Variants in EFCAB6 observed in about 807,000 individuals in gnomAD.
EFCAB6 encodes the protein EF-hand calcium-binding domain-containing protein 6.
A neutral mutation model predicts 169.8 loss-of-function variants in EFCAB6; 156 were observed. The observed-to-expected ratio is 0.92, with a 90% CI of 0.81 to 1.05. The LOEUF (loss-of-function observed/expected upper bound fraction) is 1.05. Ranked by LOEUF, EFCAB6 falls within the 50% of genes least tolerant of loss-of-function variation. The pLI, the probability that EFCAB6 is intolerant of heterozygous loss-of-function variation, is 0.00. For missense variants in EFCAB6, 1,800 were observed against 1,829.1 expected (o/e 0.98, Z 0.29); for synonymous variants, 698 against 676.4 (o/e 1.03, Z -0.50).
chr22:43,752,765 T>C (rs1193071244), intron 6 of EFCAB6, among the ~76,000 whole-genome samples: 1 of 152,142 alleles, frequency 6.6e-6, no homozygotes, highest in African/African-American at 2.4e-5. Context: ...AGTCCTAGTC[T>C]CCACGCCCTC....
At chr22:43,784,665 A>ACATATATATGTGTATG (rs1222270497) in intron 2 of EFCAB6, among the ~76,000 whole-genome samples, 1 of 74,220 alleles carries the variant, frequency 1.3e-5, no homozygotes, top group African/African-American at 5.2e-5. Flanking sequence ...GTATATATAC[A>ACATATATATGTGTATG]TATACATATA....
At chr22:43,570,687 T>C (rs2147205058) in intron 26 of EFCAB6, among the ~76,000 whole-genome samples, 1 of 152,128 alleles carries the variant, frequency 6.6e-6, no homozygotes, top group Non-Finnish European at 1.5e-5. Context: ...CTTGTTCCTC[T>C]TTTATGCCTT....
At chr22:43,677,891 G>T in intron 13 of EFCAB6, 105 bp downstream of exon 13, 1 of 1,179,136 alleles carries the variant, frequency 8.5e-7, no homozygotes, top group Non-Finnish European at 1.2e-6. Flanking sequence ...AAACTGTAAA[G>T]TCGTTAATTT....
intron 2 of EFCAB6, among the ~76,000 whole-genome samples, chr22:43,783,202 C>A (rs560353772): frequency 4.6e-5 from 7 of 152,146 alleles, no homozygotes; most frequent in Non-Finnish European, 8.8e-5. Flanking sequence ...AAATCAGAGG[C>A]AATTGTTGTT....
chr22:43,803,821 T>TTA (rs1431657772), intron 2 of EFCAB6, among the ~76,000 whole-genome samples: 1 of 152,224 alleles, frequency 6.6e-6, no homozygotes, highest in Non-Finnish European at 1.5e-5. Flanking sequence ...CTAGACCTAA[T>TTA]AGGGCTAACT....
At chr22:43,634,503 C>T (rs1302046435) in intron 18 of EFCAB6, among the ~76,000 whole-genome samples, 5 of 152,164 alleles carry the variant, frequency 3.3e-5, no homozygotes, top group Non-Finnish European at 7.3e-5. Context: ...AGGGTATGTG[C>T]AGCAAAAGAG....
intron 20 of EFCAB6, among the ~76,000 whole-genome samples, chr22:43,625,284 C>T (rs1399229763): frequency 6.6e-6 from 1 of 152,068 alleles, no homozygotes; most frequent in African/African-American, 2.4e-5. Context: ...CCCTGGGGAC[C>T]GTGAGTGCCT....
At chr22:43,626,139 C>T (rs563386038) in intron 20 of EFCAB6, among the ~76,000 whole-genome samples, 2 of 152,054 alleles carry the variant, frequency 1.3e-5, no homozygotes, top group African/African-American at 2.4e-5. Flanking sequence ...AAGACACACA[C>T]GTATATATGT....
chr22:43,597,791 A>C (rs980875883), intron 23 of EFCAB6, among the ~76,000 whole-genome samples: 4 of 152,224 alleles, frequency 2.6e-5, no homozygotes, highest in African/African-American at 9.6e-5. Flanking sequence ...TGTTTATTGC[A>C]GCACTGCTCA....
In EFCAB6 at chr22:43,770,281, G is replaced by A. The variant is rs377145675; in HGVS notation, c.351+2611C>T. On this transcript the variant is annotated intron_variant, in intron 4 of 31. Coordinates refer to ENST00000262726, the MANE Select transcript of EFCAB6 (RefSeq NM_022785.4). ...CCTCCAAAGCATTGGGATTACAGGC[G>A]TGAACCACCACACCTGACCTACTCA... Among the ~76,000 whole-genome samples the A allele has an allele frequency of 1.2e-4, 18 of 152,202 alleles. No homozygotes were observed. In the East Asian group the frequency reaches 1.9e-3, roughly 16 times the overall value.
At chr22:43,780,402 A>ACTT (rs1387035758) in intron 3 of EFCAB6, among the ~76,000 whole-genome samples, 1 of 146,334 alleles carries the variant, frequency 6.8e-6, no homozygotes, top group Non-Finnish European at 1.5e-5. Context: ...CATGAGAATC[A>ACTT]CTTGAACCTG....
rs1310319635 is a variant in EFCAB6 at position 43,735,951 on chromosome 22, T to C, written c.550A>G (p.Ile184Val). Reference sequence around the variant, plus strand: ...ACCAGTCCAGTCTTGTTAACATCAATGAGCTCAAAGGCTTTCATAACAGTC... The same window carrying C: ...ACCAGTCCAGTCTTGTTAACATCAACGAGCTCAAAGGCTTTCATAACAGTC... ...IKTVMKAFEL[I>V]DVNKTGLVRP... The change falls in exon 7 of 32, where the codon ATT becomes GTT. Residue 184 changes from isoleucine to valine, a missense_variant. Ile to Val is a conservative substitution (Grantham distance 29). Transcript: ENST00000262726. 1 of 1,614,018 alleles carries C rather than the reference T, an allele frequency of 6.2e-7. No homozygotes were observed. Among genetic ancestry groups the C allele is most frequent in the Non-Finnish European group, 8.5e-7 (1 of 1,180,028 alleles).
At chr22:43,785,596 G>A (rs2062048957) in intron 2 of EFCAB6, among the ~76,000 whole-genome samples, 1 of 147,378 alleles carries the variant, frequency 6.8e-6, no homozygotes, top group Non-Finnish European at 1.5e-5. Context: ...TATTCCTTAA[G>A]AAACTAGAAA....
In EFCAB6 at chr22:43,608,508, T is replaced by A. The variant is rs1313859612; in HGVS notation, c.2655A>T (p.Pro885=). 19 of 1,614,066 alleles carry A rather than the reference T, an allele frequency of 1.2e-5. No homozygotes were observed. In the Admixed American group the frequency reaches 3.0e-4, roughly 25 times the overall value. Residue 885 remains proline, a synonymous_variant, in exon 22 of 32, where the codon CCA becomes CCT. Coordinates refer to ENST00000262726, the MANE Select transcript of EFCAB6 (RefSeq NM_022785.4). ...TTGCCCAAAGCTTTTCAAACTCTCT[T>A]GGTGTGAGGGGAATATCAAAACCGT... The part of the protein sequence containing the change: ...ALYGFDIPLT[P]REFEKLWARY...
At chr22:43,791,093 T>C (rs948872343) in intron 2 of EFCAB6, among the ~76,000 whole-genome samples, 2 of 152,130 alleles carry the variant, frequency 1.3e-5, no homozygotes, top group Non-Finnish European at 2.9e-5. Flanking sequence ...AAGGGACAGA[T>C]TGGGGCTGAA....
At chr22:43,529,655 G>A (rs1391603629) in intron 31 of EFCAB6, among the ~76,000 whole-genome samples, 2 of 152,126 alleles carry the variant, frequency 1.3e-5, no homozygotes, top group African/African-American at 4.8e-5. Context: ...CTGCTGCCTG[G>A]AATATGGCTG....
At chr22:43,722,434 G>A (rs1455733179) in intron 8 of EFCAB6, among the ~76,000 whole-genome samples, 2 of 152,048 alleles carry the variant, frequency 1.3e-5, no homozygotes, top group Non-Finnish European at 1.5e-5. Flanking sequence ...AGGAGGCTGA[G>A]GCAGAAGAAT....
chr22:43,710,481 G>C (rs1257969707), intron 10 of EFCAB6, among the ~76,000 whole-genome samples: 1 of 152,204 alleles, frequency 6.6e-6, no homozygotes, highest in Non-Finnish European at 1.5e-5. Flanking sequence ...GCTCACTTTT[G>C]GAGGATGCCA....
intron 2 of EFCAB6, among the ~76,000 whole-genome samples, chr22:43,804,310 C>G (rs1184642453): frequency 2.6e-5 from 4 of 151,948 alleles, no homozygotes; most frequent in Non-Finnish European, 1.5e-5. Context: ...AGTCTATGGG[C>G]TACAGCAAAA....
Sources: allele counts gnomAD v4.1 joint callset (sites outside exome capture counted in the v4.1 genomes callset), GRCh38; gene constraint gnomAD v4.1.1; transcripts MANE v1.5; gene names NCBI Gene and HGNC (gene_info 2026-07-23, HGNC 2026-07-21).